SMOX: variants seen among roughly 807,000 people sequenced by gnomAD.
SMOX encodes flavin containing amine oxidase.
A neutral mutation model predicts 51.0 loss-of-function variants in SMOX; 22 were observed. The ratio of observed to expected loss-of-function variants is 0.43; its 90% CI spans 0.31 to 0.62. SMOX has a LOEUF of 0.62. SMOX is among the 20% of genes least tolerant of loss of function. SMOX has a pLI of 0.10. For synonymous variants in SMOX, 282 were observed against 307.8 expected (o/e 0.92, Z 0.88); for missense variants, 566 against 777.7 (o/e 0.73, Z 3.24).
At position 4,170,857 on chromosome 20, in the gene SMOX, C is replaced by T. The variant is rs1296098866; in HGVS notation, c.-26-4173C>T. Reference sequence around the variant, plus strand: ...GGTGGCCTGCAGGCTGGAGAACTGGCTGCGTGGTATCTTGGATGAAATTGC... The same window carrying T: ...GGTGGCCTGCAGGCTGGAGAACTGGTTGCGTGGTATCTTGGATGAAATTGC... On this transcript the variant is annotated intron_variant, in intron 1 of 6. Coordinates refer to ENST00000305958, the MANE Select transcript of SMOX (RefSeq NM_175839.3). This position sits in a 1 kb window ranked among gnomAD's most constrained non-coding sequence, Gnocchi z 4.6. Among the ~76,000 whole-genome samples the T allele has an allele frequency of 1.3e-5, 2 of 152,106 alleles. No individual in the cohort carries two copies. Among genetic ancestry groups the T allele is most frequent in the Non-Finnish European group, 2.9e-5 (2 of 68,026 alleles).
Position 4,167,862 on chromosome 20 carries a change from GCCCCT to G in SMOX, c.-26-7164_-26-7160del, listed in dbSNP as rs1011716627. 2.8e-4 allele frequency among the ~76,000 whole-genome samples: 43 copies of G among 152,222 alleles called. 1 individual carries two copies. Among genetic ancestry groups the G allele is most frequent in the African/African-American group, 1.0e-3 (42 of 41,540 alleles). On this transcript the variant is annotated intron_variant, in intron 1 of 6. Coordinates refer to ENST00000305958, the MANE Select transcript of SMOX (RefSeq NM_175839.3). The surrounding 1 kb of genome is among the most constrained non-coding windows in gnomAD (Gnocchi z 4.8). ...TCTGGCTGGGAGGAGTTGGGGCCCA[GCCCCT>G]CCCTGGTTGAGGGGTGGGAGGAGCC...
At chr20:4,155,332 GTGAGCTGCTGTCACTGATGGTTACA>G (rs1172842153) in intron 1 of SMOX, among the ~76,000 whole-genome samples, 2 of 152,096 alleles carry the variant, frequency 1.3e-5, no homozygotes, top group African/African-American at 2.4e-5. Flanking sequence ...TGATGGTTAC[GTGAGCTGCTGTCACTGATGGTTACA>G]TGAGCTGCTG....
At chr20:4,186,535 C>T (rs371382880) in intron 6 of SMOX, among the ~76,000 whole-genome samples, 1 of 152,206 alleles carries the variant, frequency 6.6e-6, no homozygotes, top group East Asian at 1.9e-4. Context: ...TTTGCCCCCA[C>T]CTTTCCCTCT....
At chr20:4,152,068 G>A (rs547868775) in intron 1 of SMOX, among the ~76,000 whole-genome samples, 53 of 152,340 alleles carry the variant, frequency 3.5e-4, no homozygotes, top group African/African-American at 1.2e-3. Context: ...GCGCCAATGG[G>A]ATGTGAAAAA....
Position 4,182,412 on chromosome 20 carries a change from G to T in SMOX, c.933G>T (p.Trp311Cys), listed in dbSNP as rs759789277. ...RGGRWDEDEQ[W>C]SVVVECEDCE... is the part of the protein sequence containing the mutation. Reference sequence around the variant, plus strand: ...GCAGGTGGGATGAGGATGAGCAGTGGTCGGTGGTGGTGGAGTGCGAGGACT... The same window carrying T: ...GCAGGTGGGATGAGGATGAGCAGTGTTCGGTGGTGGTGGAGTGCGAGGACT... The change falls in exon 5 of 7, where the codon TGG (tryptophan) becomes TGT (cysteine). Residue 311 changes from tryptophan to cysteine, a missense_variant. Around this residue, in one of 3 missense-constraint regions of SMOX, gnomAD observed 347 missense variants for 481.8 expected, o/e 0.72. Transcript: ENST00000305958. This position sits in a 1 kb window ranked among gnomAD's most constrained non-coding sequence, Gnocchi z 8.4. 1.9e-6 allele frequency: 3 copies of T among 1,602,832 alleles called. No individual in the cohort carries two copies. The South Asian group carries it at 3.4e-5, about 18-fold the overall frequency.
intron 3 of SMOX, among the ~76,000 whole-genome samples, chr20:4,179,783 TAGTATTATG>T (rs1979183265): frequency 6.6e-6 from 1 of 152,178 alleles, no homozygotes; most frequent in Non-Finnish European, 1.5e-5. Flanking sequence ...ACTTACCTCA[TAGTATTATG>T]AGGATTGAAT....
At chr20:4,180,334 T>A (rs539084418) in intron 3 of SMOX, among the ~76,000 whole-genome samples, 1 of 152,360 alleles carries the variant, frequency 6.6e-6, no homozygotes, top group East Asian at 1.9e-4. Context: ...GACATCACTG[T>A]GCTTTGCCAT....
rs2184891 is a variant in SMOX, at chr20:4,149,608, A to G, written c.-27+631A>G. On this transcript the variant is annotated intron_variant, in intron 1 of 6. Coordinates refer to ENST00000305958, the MANE Select transcript of SMOX (RefSeq NM_175839.3). This position sits in a 1 kb window ranked among gnomAD's most constrained non-coding sequence, Gnocchi z 6.0. ...GGGCTTGGCGGGAGCCGGGCTCGCA[A>G]AGGGTTCGGGTGTGTTGGAGGGCTC... 0.24 allele frequency among the ~76,000 whole-genome samples: 36,214 copies of G among 152,022 alleles called. 5,460 individuals are homozygous for G. The highest frequency in any genetic ancestry group is 0.32 in the Non-Finnish European group (21,566 of 67,918).
At chr20:4,158,132 C>T (rs548330016) in intron 1 of SMOX, among the ~76,000 whole-genome samples, 14 of 151,104 alleles carry the variant, frequency 9.3e-5, no homozygotes, top group Non-Finnish European at 1.9e-4. Flanking sequence ...GATCTCCTGA[C>T]CTCGTGATCC....
In SMOX at chr20:4,187,518, G is replaced by T; in HGVS notation, c.*111G>T. 1 of 1,488,564 alleles carries T rather than the reference G, an allele frequency of 6.7e-7. No individual in the cohort carries two copies. The highest frequency in any genetic ancestry group is 9.0e-7 in the Non-Finnish European group (1 of 1,107,380). 92.2% of individuals were successfully genotyped at this position (1,488,564 alleles called of 1,614,324 possible). On this transcript the variant is annotated 3_prime_UTR_variant, in exon 7 of 7. Transcript: ENST00000305958. The surrounding 1 kb of genome is among the most constrained non-coding windows in gnomAD (Gnocchi z 4.8). ...TCTGTAGAAAGGATTTTTATCTTCT[G>T]TAGAGCTAGCCGCCCTGACTGCCTT...
At chr20:4,184,326 A>G (rs1056067408) in intron 6 of SMOX, among the ~76,000 whole-genome samples, 1 of 152,088 alleles carries the variant, frequency 6.6e-6, no homozygotes, top group African/African-American at 2.4e-5. Context: ...CCTTGGTTGC[A>G]CTAGTCACAT....
In SMOX at chr20:4,182,640, GT is replaced by G; in HGVS notation, c.1162del (p.Trp388GlyfsTer37). 6.2e-7 allele frequency: 1 copy of G among 1,614,090 alleles called. No individual in the cohort carries two copies. Among genetic ancestry groups the G allele is most frequent in the Non-Finnish European group, 8.5e-7 (1 of 1,180,004 alleles). ...CTGAGTGCAACAGCCTACAGTTTGT[GT>G]GGGAGGACGAAGCAGAGAGCCACAC... is the stretch of plus-strand genomic sequence containing the variant. ...GPECNSLQFV[W>X]EDEAESHTLT... On this transcript the variant is annotated frameshift_variant, in exon 5 of 7. Coordinates refer to ENST00000305958, the MANE Select transcript of SMOX (RefSeq NM_175839.3). LOFTEE classifies it high-confidence loss of function. This position sits in a 1 kb window ranked among gnomAD's most constrained non-coding sequence, Gnocchi z 8.4.
Position 4,153,478 on chromosome 20 carries a change from G to T in SMOX, c.-27+4501G>T, listed in dbSNP as rs1471727956. Among the ~76,000 whole-genome samples the T allele has an allele frequency of 1.3e-5, 2 of 152,128 alleles. No homozygotes were observed. The highest frequency in any genetic ancestry group is 2.9e-5 in the Non-Finnish European group (2 of 68,010). On this transcript the variant is annotated intron_variant, in intron 1 of 6. Coordinates refer to ENST00000305958, the MANE Select transcript of SMOX (RefSeq NM_175839.3). This position sits in a 1 kb window ranked among gnomAD's most constrained non-coding sequence, Gnocchi z 4.4. ...AGGGTGTGTCAGCTCTGCCCTGGGA[G>T]GCTTTCCTGTTTGGCACGAGGATGA...
intron 1 of SMOX, among the ~76,000 whole-genome samples, chr20:4,161,516 T>A (rs1047546745): frequency 1.2e-4 from 19 of 152,228 alleles, no homozygotes. Flanking sequence ...CAGTTAGAAC[T>A]GGTCTGGGTT....
intron 1 of SMOX, among the ~76,000 whole-genome samples, chr20:4,164,998 C>T (rs1164668264): frequency 6.7e-6 from 1 of 149,486 alleles, no homozygotes; most frequent in Non-Finnish European, 1.5e-5. Context: ...CCACCTTAGC[C>T]TTTGGAGTAG....
rs952117133 is a variant in SMOX, at chr20:4,181,513, C to T, written c.436-290C>T. Reference sequence around the variant, plus strand: ...AGTCCATGAGGGGTGGCTTCTTTCCCACAGACTGTATGGGCACCAAATGTT... The same window carrying T: ...AGTCCATGAGGGGTGGCTTCTTTCCTACAGACTGTATGGGCACCAAATGTT... On this transcript the variant is annotated intron_variant, in intron 3 of 6. Coordinates refer to ENST00000305958, the MANE Select transcript of SMOX (RefSeq NM_175839.3). The surrounding 1 kb of genome is among the most constrained non-coding windows in gnomAD (Gnocchi z 5.6). Among the ~76,000 whole-genome samples the T allele has an allele frequency of 1.3e-5, 2 of 152,320 alleles. No individual in the cohort carries two copies. Among genetic ancestry groups the T allele is most frequent in the African/African-American group, 2.4e-5 (1 of 41,578 alleles).
intron 3 of SMOX, among the ~76,000 whole-genome samples, chr20:4,178,115 C>T (rs956267730): frequency 1.3e-5 from 2 of 152,222 alleles, no homozygotes; most frequent in African/African-American, 2.4e-5. Context: ...GATCTCAGCT[C>T]ACTGTAACCT....
Position 4,177,206 on chromosome 20 carries a change from G to A in SMOX, c.209-145G>A, listed in dbSNP as rs1535225. 0.31 allele frequency: 217,340 copies of A among 700,888 alleles called. 36,974 individuals are homozygous for A. The highest frequency in any genetic ancestry group is 0.57 in the African/African-American group (31,593 of 55,488). 43.4% of individuals were successfully genotyped at this position (700,888 alleles called of 1,614,324 possible). A position where few individuals can be genotyped will look rare whatever the true frequency, so the allele number is the denominator to read the frequency against. On this transcript the variant is annotated intron_variant, in intron 2 of 6. Transcript: ENST00000305958. The surrounding 1 kb of genome is among the most constrained non-coding windows in gnomAD (Gnocchi z 4.3). ...TGGGAACTTTTCACTGAGGACCTTC[G>A]TTGGTTGCCAGCAGTGGAAGTTCAA...
intron 1 of SMOX, among the ~76,000 whole-genome samples, chr20:4,155,061 G>A (rs1210146976): frequency 3.3e-5 from 5 of 152,180 alleles, no homozygotes; most frequent in African/African-American, 4.8e-5. Context: ...ACTGTATCCC[G>A]GGGCAGGGTG....
Sources: allele counts gnomAD v4.1 joint callset (sites outside exome capture counted in the v4.1 genomes callset), GRCh38; gene constraint gnomAD v4.1.1; regional missense constraint gnomAD v4.1.1; non-coding constraint Gnocchi (gnomAD v3.1); transcripts MANE v1.5; gene names NCBI Gene and HGNC (gene_info 2026-07-23, HGNC 2026-07-21).